SGTA: variants seen among roughly 807,000 people sequenced by gnomAD.
The protein encoded by SGTA is small glutamine rich tetratricopeptide repeat co-chaperone alpha.
In SGTA, 22 loss-of-function variants were observed where a neutral mutation model predicts 44.3. The observed-to-expected ratio is 0.50, with a 90% CI of 0.36 to 0.71. SGTA has a LOEUF of 0.71. SGTA is among the 30% of genes least tolerant of loss of function. SGTA has a pLI of 0.00. For synonymous variants in SGTA, 174 were observed against 177.6 expected (o/e 0.98, Z 0.16); for missense variants, 341 against 435.9 (o/e 0.78, Z 1.94).
In SGTA at chr19:2,761,454, C is replaced by G; in HGVS notation, c.699+6G>C. The G allele has an allele frequency of 6.4e-7, 1 of 1,551,232 alleles. No individual in the cohort carries two copies. The highest frequency in any genetic ancestry group is 8.7e-7 in the Non-Finnish European group (1 of 1,146,698). On this transcript the variant is annotated splice_donor_region_variant and intron_variant, in intron 8 of 11. Transcript: ENST00000221566. This position sits in a 1 kb window ranked among gnomAD's most constrained non-coding sequence, Gnocchi z 5.7. Reference sequence around the variant, plus strand: ...CCATGGACAGGGAGGAGGGGCGGGCCGTTACCATGCTCATGAAGCCAGGGT... The same window carrying G: ...CCATGGACAGGGAGGAGGGGCGGGCGGTTACCATGCTCATGAAGCCAGGGT...
chr19:2,755,585 G>A lies in SGTA; in HGVS notation c.*355C>T, dbSNP rs568441334. 2.0e-6 allele frequency: 2 copies of A among 985,628 alleles called. No homozygotes were observed. Among genetic ancestry groups the A allele is most frequent in the South Asian group, 4.7e-5 (1 of 21,296 alleles). The allele number at this position is 985,628 out of a possible 1,614,324, so 61.1% of individuals were successfully genotyped here. On this transcript the variant is annotated 3_prime_UTR_variant, in exon 12 of 12. Coordinates refer to ENST00000221566, the MANE Select transcript of SGTA (RefSeq NM_003021.4). The surrounding 1 kb of genome is among the most constrained non-coding windows in gnomAD (Gnocchi z 5.2). ...AAAGGCTTTGGAAGCCACACGATCCGCCACACGGCTGAACGTGAAACCTGC... is the reference window on the plus strand; with the variant it reads ...AAAGGCTTTGGAAGCCACACGATCCACCACACGGCTGAACGTGAAACCTGC...
intron 1 of SGTA, among the ~76,000 whole-genome samples, chr19:2,772,594 T>A (rs1181231337): frequency 1.3e-5 from 2 of 152,236 alleles, no homozygotes; most frequent in African/African-American, 4.8e-5. Context: ...GCCAGGACCT[T>A]GGAATGCGAC....
chr19:2,766,758 T>C (rs1307101910), intron 4 of SGTA, among the ~76,000 whole-genome samples: 1 of 151,930 alleles, frequency 6.6e-6, no homozygotes, highest in Non-Finnish European at 1.5e-5. Flanking sequence ...TTGACTCTTG[T>C]GAATACAGCT....
chr19:2,755,298 G>A lies in SGTA; in HGVS notation c.*642C>T. 1 of 546,254 alleles carries A rather than the reference G, an allele frequency of 1.8e-6. No homozygotes were observed. Among genetic ancestry groups the A allele is most frequent in the Non-Finnish European group, 2.3e-6 (1 of 426,920 alleles). The allele number at this position is 546,254 out of a possible 1,614,324, so 33.8% of individuals were successfully genotyped here. Reference sequence around the variant, plus strand: ...TGTCAACATGCCCAACTGGAGAAAAGTCACAGAAACTGGTCCTATGCACCC... The same window carrying A: ...TGTCAACATGCCCAACTGGAGAAAAATCACAGAAACTGGTCCTATGCACCC... On this transcript the variant is annotated 3_prime_UTR_variant, in exon 12 of 12. Coordinates refer to ENST00000221566, the MANE Select transcript of SGTA (RefSeq NM_003021.4). The surrounding 1 kb of genome is among the most constrained non-coding windows in gnomAD (Gnocchi z 5.2).
chr19:2,761,468 TGAA>T lies in SGTA; in HGVS notation c.688_690del (p.Phe230del). The T allele has an allele frequency of 6.4e-7, 1 of 1,551,616 alleles. No individual in the cohort carries two copies. The highest frequency in any genetic ancestry group is 8.7e-7 in the Non-Finnish European group (1 of 1,146,942). On this transcript the variant is annotated inframe_deletion, in exon 8 of 12. Transcript: ENST00000221566. The surrounding 1 kb of genome is among the most constrained non-coding windows in gnomAD (Gnocchi z 5.7). Reference sequence around the variant, plus strand: ...GAGGGGCGGGCCGTTACCATGCTCATGAAGCCAGGGTTGTTCAGCAGGCCGGCG... The same window carrying T: ...GAGGGGCGGGCCGTTACCATGCTCATGCCAGGGTTGTTCAGCAGGCCGGCG...
At chr19:2,779,821 C>T (rs1204358518) in intron 1 of SGTA, among the ~76,000 whole-genome samples, 1 of 152,160 alleles carries the variant, frequency 6.6e-6, no homozygotes, top group Non-Finnish European at 1.5e-5. Context: ...ACCTGTAATC[C>T]CAGCACTTTG....
rs570822122 is a variant in SGTA at position 2,759,458 on chromosome 19, G to A, written c.700-164C>T. Reference sequence around the variant, plus strand: ...TTCATACCCTTTTCCCTACATTTTCGCCCCCCCACCCACGAGCTGTGACCT... The same window carrying A: ...TTCATACCCTTTTCCCTACATTTTCACCCCCCCACCCACGAGCTGTGACCT... On this transcript the variant is annotated intron_variant, in intron 8 of 11. Coordinates refer to ENST00000221566, the MANE Select transcript of SGTA (RefSeq NM_003021.4). 50 of 632,852 alleles carry A rather than the reference G, an allele frequency of 7.9e-5. No homozygotes were observed. The South Asian group carries it at 8.8e-4, about 11-fold the overall frequency. The allele number at this position is 632,852 out of a possible 1,614,324, so 39.2% of individuals were successfully genotyped here.
At chr19:2,783,185 G>A (rs1158356170) in intron 1 of SGTA, 48 bp downstream of exon 1, 1 of 152,300 alleles carries the variant, frequency 6.6e-6, no homozygotes, top group Non-Finnish European at 1.5e-5. Context: ...TGGGCCCCGA[G>A]CCGCAGACCC....
At chr19:2,771,673 G>C (rs1273872408) in intron 1 of SGTA, among the ~76,000 whole-genome samples, 3 of 151,656 alleles carry the variant, frequency 2.0e-5, no homozygotes, top group Non-Finnish European at 4.4e-5. Context: ...CACCCTCCGT[G>C]TCCAGATCAA....
At position 2,761,039 on chromosome 19, in the gene SGTA, C is replaced by T. The variant is rs942168882; in HGVS notation, c.699+421G>A. Among the ~76,000 whole-genome samples the T allele has an allele frequency of 2.6e-5, 4 of 152,348 alleles. No homozygotes were observed. The highest frequency in any genetic ancestry group is 6.5e-5 in the Admixed American group (1 of 15,308). On this transcript the variant is annotated intron_variant, in intron 8 of 11. Transcript: ENST00000221566. The surrounding 1 kb of genome is among the most constrained non-coding windows in gnomAD (Gnocchi z 5.7). ...GAGGTCCACCTGCGCCCGGCGCACC[C>T]GGCGCTCTGCTTCCCTTGCCTGAAC...
chr19:2,761,781 C>T lies in SGTA; in HGVS notation c.637-259G>A, dbSNP rs1443003355. On this transcript the variant is annotated intron_variant, in intron 7 of 11. Coordinates refer to ENST00000221566, the MANE Select transcript of SGTA (RefSeq NM_003021.4). The surrounding 1 kb of genome is among the most constrained non-coding windows in gnomAD (Gnocchi z 5.7). ...TCTATCATCCCGTGTTTATTCCCCG[C>T]ACAGCGCGACCGCCCGGGGACGGCA... Among the ~76,000 whole-genome samples the T allele has an allele frequency of 2.9e-5, 4 of 137,140 alleles. No individual in the cohort carries two copies. The highest frequency in any genetic ancestry group is 1.1e-4 in the African/African-American group (4 of 35,950). The allele number at this position is 137,140 out of a possible 152,430, so 90.0% of individuals were successfully genotyped here. A position where few individuals can be genotyped will look rare whatever the true frequency, so the allele number is the denominator to read the frequency against.
At chr19:2,771,421 T>C (rs563846571) in intron 1 of SGTA, among the ~76,000 whole-genome samples, 1 of 150,106 alleles carries the variant, frequency 6.7e-6, no homozygotes, top group South Asian at 2.1e-4. Context: ...AGACTCCATG[T>C]CAAAAAAAAA....
At position 2,769,555 on chromosome 19, in the gene SGTA, C is replaced by T. The variant is rs569513415; in HGVS notation, c.-23-464G>A. On this transcript the variant is annotated intron_variant, in intron 1 of 11. Transcript: ENST00000221566. The stretch of plus-strand genomic sequence containing the variant: ...GAGACCTTGTCCTCAGCCAGAGCCA[C>T]TGCCCCTTTCCTCAATTTACCTCTT... 3.9e-5 allele frequency among the ~76,000 whole-genome samples: 6 copies of T among 152,356 alleles called. No homozygotes were observed. The East Asian group carries it at 7.7e-4, about 20-fold the overall frequency.
At chr19:2,774,455 A>G (rs749560844) in intron 1 of SGTA, among the ~76,000 whole-genome samples, 8 of 152,108 alleles carry the variant, frequency 5.3e-5, no homozygotes, top group Admixed American at 4.6e-4. Context: ...TTATAAGAAA[A>G]CGACACTTCC....
In SGTA at chr19:2,768,922, GC is replaced by G. The variant is rs775196729; in HGVS notation, c.100+46del. 1.4e-5 allele frequency: 20 copies of G among 1,416,752 alleles called. No individual in the cohort carries two copies. The South Asian group carries it at 2.1e-4, about 15-fold the overall frequency. 87.8% of individuals were successfully genotyped at this position (1,416,752 alleles called of 1,614,324 possible). A position where few individuals can be genotyped will look rare whatever the true frequency, so the allele number is the denominator to read the frequency against. On this transcript the variant is annotated intron_variant, in intron 2 of 11. Transcript: ENST00000221566. ...CCAGGTGTCTACACGAGGCGACTGTGCTGGCCGCTGCCCGGGGAGAGGGGGA... is the reference window on the plus strand; with the variant it reads ...CCAGGTGTCTACACGAGGCGACTGTGTGGCCGCTGCCCGGGGAGAGGGGGA...
intron 1 of SGTA, among the ~76,000 whole-genome samples, chr19:2,770,957 G>A (rs1002873932): frequency 1.3e-5 from 2 of 152,254 alleles, no homozygotes; most frequent in Non-Finnish European, 2.9e-5. Context: ...GAGGCCAGGC[G>A]GTTCCCGGAT....
At chr19:2,762,429 T>C (rs1055065134) in intron 7 of SGTA, 77 bp downstream of exon 7, 3 of 1,479,350 alleles carry the variant, frequency 2.0e-6, no homozygotes, top group South Asian at 1.2e-5. Flanking sequence ...CTAGAGCCAC[T>C]GGTGCGCCCG....
At chr19:2,774,766 G>A (rs1017290149) in intron 1 of SGTA, among the ~76,000 whole-genome samples, 1 of 152,170 alleles carries the variant, frequency 6.6e-6, no homozygotes, top group Non-Finnish European at 1.5e-5. Context: ...ACAGGTGTGA[G>A]CCACCATACC....
rs1362057699 is a variant in SGTA, at chr19:2,765,628, C to T, written c.293-343G>A. 6.6e-6 allele frequency among the ~76,000 whole-genome samples: 1 copy of T among 152,222 alleles called. No individual in the cohort carries two copies. The highest frequency in any genetic ancestry group is 1.9e-4 in the East Asian group (1 of 5,194). ...CAGCTCACCGGCCCGGGGACGGAAA[C>T]TGTCCCTTTCGCTATTGCTTTTGGA... On this transcript the variant is annotated intron_variant, in intron 4 of 11. Transcript: ENST00000221566. The surrounding 1 kb of genome is among the most constrained non-coding windows in gnomAD (Gnocchi z 5.5).
Sources: allele counts gnomAD v4.1 joint callset (sites outside exome capture counted in the v4.1 genomes callset), GRCh38; gene constraint gnomAD v4.1.1; non-coding constraint Gnocchi (gnomAD v3.1); transcripts MANE v1.5; gene names NCBI Gene and HGNC (gene_info 2026-07-23, HGNC 2026-07-21).